The following LSAMP variants were observed in gnomAD, a reference collection of about 807,000 sequenced individuals.
LSAMP encodes limbic system associated membrane protein, also known as limbic system-associated membrane protein.
LSAMP carries 7 observed loss-of-function variants against 38.6 expected under a neutral mutation model. The observed-to-expected ratio is 0.18, with a 90% CI of 0.10 to 0.34. The LOEUF is 0.34. Among genes scored for constraint, LSAMP ranks in the 10% least tolerant of loss-of-function variants. LSAMP has a pLI of 1.00. For missense variants in LSAMP, 313 were observed against 420.0 expected (o/e 0.75, Z 2.23); for synonymous variants, 154 against 166.8 (o/e 0.92, Z 0.59).
chr3:115,894,831 C>CAT (rs1559870684), intron 3 of LSAMP, among the ~76,000 whole-genome samples: 6 of 152,114 alleles, frequency 3.9e-5, no homozygotes, highest in African/African-American at 1.4e-4. Context: ...TACCAGTGAA[C>CAT]ACATATTATG....
chr3:116,358,464 T>A (rs1215607683), intron 1 of LSAMP, among the ~76,000 whole-genome samples: 1 of 152,080 alleles, frequency 6.6e-6, no homozygotes, highest in Non-Finnish European at 1.5e-5. Context: ...CAGATGCGAA[T>A]GCATACAAAA....
rs1293040168 is a variant in LSAMP, at chr3:115,938,195, A to G, written c.514+81320T>C. 3.3e-5 allele frequency among the ~76,000 whole-genome samples: 5 copies of G among 152,200 alleles called. No homozygotes were observed. In the East Asian group the frequency reaches 7.7e-4, roughly 23 times the overall value. ...ACAGAAAATGAATAGATAATTTATT[A>G]TGAGTGTGGTTTATGAGAGAAAAAT... On this transcript the variant is annotated intron_variant, in intron 3 of 6. Transcript: ENST00000490035.
At chr3:116,041,616 C>T (rs1027270868) in intron 2 of LSAMP, among the ~76,000 whole-genome samples, 4 of 151,410 alleles carry the variant, frequency 2.6e-5, no homozygotes, top group East Asian at 2.0e-4. Flanking sequence ...AAACATTGAT[C>T]GTGCCATAGA....
At chr3:115,908,317 A>G (rs555431018) in intron 3 of LSAMP, among the ~76,000 whole-genome samples, 1 of 152,252 alleles carries the variant, frequency 6.6e-6, no homozygotes, top group East Asian at 1.9e-4. Flanking sequence ...CCTAAACTTT[A>G]CAAAAGAATA....
At chr3:116,179,324 A>AC (rs533876036) in intron 1 of LSAMP, among the ~76,000 whole-genome samples, 4 of 152,192 alleles carry the variant, frequency 2.6e-5, no homozygotes, top group Non-Finnish European at 5.9e-5. Context: ...AGGACCACAT[A>AC]ATTTCTGTAC....
At chr3:115,912,163 G>A (rs1434204171) in intron 3 of LSAMP, among the ~76,000 whole-genome samples, 1 of 152,086 alleles carries the variant, frequency 6.6e-6, no homozygotes, top group African/African-American at 2.4e-5. Context: ...TTTTGATGAA[G>A]TCAATTTATT....
At chr3:115,979,237 G>A (rs1939285888) in intron 3 of LSAMP, among the ~76,000 whole-genome samples, 1 of 151,694 alleles carries the variant, frequency 6.6e-6, no homozygotes, top group Non-Finnish European at 1.5e-5. Flanking sequence ...TCGTATTGAA[G>A]CTTCTCCATC....
At chr3:116,274,940 C>T (rs186449959) in intron 1 of LSAMP, among the ~76,000 whole-genome samples, 1 of 109,994 alleles carries the variant, frequency 9.1e-6, no homozygotes, top group Admixed American at 1.1e-4. Flanking sequence ...GGAATAACAT[C>T]GAGTAAAAAT....
chr3:116,378,449 T>C (rs1178426631), intron 1 of LSAMP, among the ~76,000 whole-genome samples: 1 of 152,074 alleles, frequency 6.6e-6, no homozygotes, highest in Non-Finnish European at 1.5e-5. Flanking sequence ...AAAACATCTC[T>C]CTCTCAAAGA....
intron 1 of LSAMP, among the ~76,000 whole-genome samples, chr3:116,088,645 A>G (rs1708047911): frequency 1.3e-5 from 2 of 152,206 alleles, no homozygotes; most frequent in Admixed American, 1.3e-4. Context: ...TAAATCTTCT[A>G]TCATTTTTCC....
chr3:116,443,278 A>G (rs1389952526), intron 1 of LSAMP, among the ~76,000 whole-genome samples: 1 of 152,202 alleles, frequency 6.6e-6, no homozygotes, highest in Non-Finnish European at 1.5e-5. Flanking sequence ...TACTCTGTAA[A>G]TCTGATTACT....
intron 1 of LSAMP, among the ~76,000 whole-genome samples, chr3:116,235,986 C>A (rs765773665): frequency 1.3e-5 from 2 of 152,008 alleles, no homozygotes; most frequent in African/African-American, 2.4e-5. Context: ...ATTACAGGTG[C>A]GGAATAAATT....
intron 3 of LSAMP, among the ~76,000 whole-genome samples, chr3:115,878,716 C>T (rs927188197): frequency 6.6e-6 from 1 of 151,990 alleles, no homozygotes; most frequent in South Asian, 2.1e-4. Context: ...CCTGCCTCAG[C>T]CTCCCAAAGT....
At chr3:116,194,090 G>C (rs1041015122) in intron 1 of LSAMP, among the ~76,000 whole-genome samples, 2 of 152,132 alleles carry the variant, frequency 1.3e-5, no homozygotes, top group Admixed American at 1.3e-4. Flanking sequence ...AGAGAAATCA[G>C]GGTTAAAAGC....
intron 3 of LSAMP, among the ~76,000 whole-genome samples, chr3:115,925,342 G>A (rs1030793102): frequency 6.6e-6 from 1 of 152,042 alleles, no homozygotes; most frequent in African/African-American, 2.4e-5. Context: ...AGAACTCAAA[G>A]GTATTCAAGA....
chr3:116,305,815 A>T (rs1420923168), intron 1 of LSAMP, among the ~76,000 whole-genome samples: 1 of 152,034 alleles, frequency 6.6e-6, no homozygotes, highest in Non-Finnish European at 1.5e-5. Flanking sequence ...AACCTATATT[A>T]CAATAGATTG....
intron 1 of LSAMP, among the ~76,000 whole-genome samples, chr3:116,232,955 AC>A (rs1238248481): frequency 6.0e-5 from 9 of 149,966 alleles, no homozygotes; most frequent in South Asian, 4.2e-4. Context: ...TTTATTTAAT[AC>A]CCCCCAACCC....
chr3:116,257,570 A>ATT (rs372830820), intron 1 of LSAMP, among the ~76,000 whole-genome samples: 4 of 151,154 alleles, frequency 2.6e-5, no homozygotes, highest in African/African-American at 9.7e-5. Context: ...AAAATTAAAG[A>ATT]TTTTTTTTTT....
chr3:116,316,963 T>C lies in LSAMP; in HGVS notation c.155+127914A>G, dbSNP rs867751163. On this transcript the variant is annotated intron_variant, in intron 1 of 6. Coordinates refer to ENST00000490035, the MANE Select transcript of LSAMP (RefSeq NM_002338.5). ...TTCAACAGTACTGTTCCAGTGATAC[T>C]GAGAGGTGAAGCCAGCTGGATTTCC... Among the ~76,000 whole-genome samples the C allele has an allele frequency of 2.0e-5, 3 of 152,080 alleles. No homozygotes were observed. In the South Asian group the frequency reaches 6.2e-4, roughly 32 times the overall value.
Sources: allele counts gnomAD v4.1 joint callset (sites outside exome capture counted in the v4.1 genomes callset), GRCh38; gene constraint gnomAD v4.1.1; transcripts MANE v1.5; gene names NCBI Gene and HGNC (gene_info 2026-07-23, HGNC 2026-07-21).